Variants in ASTN2 observed in about 807,000 individuals in gnomAD.
ASTN2 encodes the protein astrotactin 2, also known as astrotactin-2.
ASTN2 carries 54 observed loss-of-function variants against 139.8 expected under a neutral mutation model. The observed-to-expected ratio is 0.39, with a 90% CI of 0.31 to 0.48. The LOEUF is 0.48. Ranked by LOEUF, ASTN2 falls within the 20% of genes least tolerant of loss-of-function variation. ASTN2 has a pLI of 0.95. For synonymous variants in ASTN2, 756 were observed against 719.5 expected, an observed-to-expected ratio of 1.05 and a Z score of -0.81; for missense variants, 1,565 against 1,725.1, an observed-to-expected ratio of 0.91 and a Z score of 1.64.
intron 4 of ASTN2, among the ~76,000 whole-genome samples, chr9:117,110,591 C>A (rs191562125): frequency 6.6e-6 from 1 of 152,150 alleles, no homozygotes; most frequent in Admixed American, 6.5e-5. Context: ...CAGAGGAGTA[C>A]GCTAGTAACA....
chr9:116,571,002 A>G (rs1326537383), intron 19 of ASTN2, among the ~76,000 whole-genome samples: 1 of 152,192 alleles, frequency 6.6e-6, no homozygotes, highest in Non-Finnish European at 1.5e-5. Flanking sequence ...TTTCTTTGCA[A>G]CATTTGCTGC....
At chr9:116,707,446 T>C (rs1431507277) in intron 16 of ASTN2, among the ~76,000 whole-genome samples, 2 of 152,102 alleles carry the variant, frequency 1.3e-5, no homozygotes, top group African/African-American at 2.4e-5. Flanking sequence ...ATCCTGATTA[T>C]ATGTATTTGC....
chr9:116,571,180 C>T (rs1208916857), intron 19 of ASTN2, among the ~76,000 whole-genome samples: 2 of 152,198 alleles, frequency 1.3e-5, no homozygotes, highest in African/African-American at 4.8e-5. Flanking sequence ...TGGCCCCACG[C>T]TGGTGGTTTC....
chr9:116,864,200 G>T (rs1648820719), intron 10 of ASTN2, among the ~76,000 whole-genome samples: 1 of 152,128 alleles, frequency 6.6e-6, no homozygotes, highest in Non-Finnish European at 1.5e-5. Flanking sequence ...CTGCAATTGG[G>T]CACATCCCTA....
At chr9:116,925,863 C>CACACAA (rs1554761464) in intron 10 of ASTN2, among the ~76,000 whole-genome samples, 30,833 of 95,700 alleles carry the variant, frequency 0.32, 3,452 homozygotes, top group Non-Finnish European at 0.4. Context: ...CACAACACAA[C>CACACAA]ACACACACAC....
intron 17 of ASTN2, among the ~76,000 whole-genome samples, chr9:116,636,652 G>A (rs886096143): frequency 2.8e-4 from 43 of 151,890 alleles, no homozygotes; most frequent in African/African-American, 1.0e-3. Flanking sequence ...CTCCAGCCTG[G>A]GCGACAGAGT....
chr9:116,536,452 C>G (rs1054679627), intron 19 of ASTN2, among the ~76,000 whole-genome samples: 2 of 152,160 alleles, frequency 1.3e-5, no homozygotes, highest in African/African-American at 4.8e-5. Context: ...GAATTTTCAG[C>G]TTTTCTGCTC....
intron 10 of ASTN2, among the ~76,000 whole-genome samples, chr9:116,893,986 A>T (rs1306344555): frequency 6.6e-6 from 1 of 152,094 alleles, no homozygotes; most frequent in Non-Finnish European, 1.5e-5. Context: ...TCGCCACACA[A>T]TGGCCTGGGT....
At chr9:117,245,235 C>T (rs985260051) in intron 2 of ASTN2, among the ~76,000 whole-genome samples, 3 of 152,190 alleles carry the variant, frequency 2.0e-5, no homozygotes, top group Admixed American at 2.0e-4. Flanking sequence ...CCCAGTGCTA[C>T]GATTGTAACC....
chr9:116,726,520 A>T (rs1028785398), intron 15 of ASTN2, among the ~76,000 whole-genome samples: 6 of 152,208 alleles, frequency 3.9e-5, no homozygotes. Context: ...TGAACTGCCC[A>T]TGGCTGGAAT....
chr9:116,514,523 C>A (rs938149729), intron 19 of ASTN2, among the ~76,000 whole-genome samples: 4 of 152,214 alleles, frequency 2.6e-5, no homozygotes, highest in South Asian at 2.1e-4. Flanking sequence ...CCACTACTCT[C>A]TTCAAAGCTG....
At chr9:116,562,394 C>T (rs550274651) in intron 19 of ASTN2, 6 of 151,404 alleles carry the variant, frequency 4.0e-5, no homozygotes, top group Non-Finnish European at 2.9e-5. Context: ...CCTGTGTGAA[C>T]TTTGGAGATC....
At position 116,805,749 on chromosome 9, in the gene ASTN2, G is replaced by A. The variant is rs780786171; in HGVS notation, c.2279C>T (p.Pro760Leu). 6.2e-7 allele frequency: 1 copy of A among 1,613,888 alleles called. No individual in the cohort carries two copies. Among genetic ancestry groups the A allele is most frequent in the Non-Finnish European group, 8.5e-7 (1 of 1,179,848 alleles). Residue 760 changes from proline (P) to leucine (L), a missense_variant, in exon 13 of 23, where the codon CCC (proline) becomes CTC (leucine). Transcript: ENST00000313400. The part of the protein sequence containing the change: ...CLMLSDVCEG[P>L]KCLKPDSKFN... ...TTTGGAGTCAGGTTTGAGGCACTTGGGGCCCTCGCAGACATCTGAGAGCAT... is the reference window on the plus strand; with the variant it reads ...TTTGGAGTCAGGTTTGAGGCACTTGAGGCCCTCGCAGACATCTGAGAGCAT...
At chr9:117,084,534 T>A (rs1828511526) in intron 5 of ASTN2, among the ~76,000 whole-genome samples, 1 of 152,256 alleles carries the variant, frequency 6.6e-6, no homozygotes, top group Admixed American at 6.5e-5. Context: ...AAGAAGCTAC[T>A]CTGTTTAGTT....
chr9:116,970,659 A>T (rs542393780), intron 10 of ASTN2, among the ~76,000 whole-genome samples: 18 of 152,358 alleles, frequency 1.2e-4, no homozygotes, highest in African/African-American at 4.3e-4. Flanking sequence ...TTGAAAGGCC[A>T]AAAGAACAAG....
At chr9:116,943,007 G>T (rs1417783013) in intron 10 of ASTN2, among the ~76,000 whole-genome samples, 1 of 152,186 alleles carries the variant, frequency 6.6e-6, no homozygotes, top group Non-Finnish European at 1.5e-5. Flanking sequence ...TCCACTGAGG[G>T]GGTGATGGCA....
chr9:116,820,519 C>T, intron 12 of ASTN2, 98 bp downstream of exon 12: 1 of 1,415,816 alleles, frequency 7.1e-7, no homozygotes, highest in Non-Finnish European at 9.5e-7. Context: ...TATTGAAGGT[C>T]AAGGTTCAGC....
chr9:117,101,046 G>A (rs1405032151), intron 4 of ASTN2, among the ~76,000 whole-genome samples: 1 of 152,220 alleles, frequency 6.6e-6, no homozygotes, highest in Non-Finnish European at 1.5e-5. Flanking sequence ...AAAAGAGTAT[G>A]CTGCATGTAA....
intron 16 of ASTN2, among the ~76,000 whole-genome samples, chr9:116,678,006 T>C (rs967585147): frequency 6.6e-6 from 1 of 152,194 alleles, no homozygotes; most frequent in Non-Finnish European, 1.5e-5. Context: ...CTTAGAAAAA[T>C]AAGCATTTAA....
Sources: gnomAD v4.1 joint callset for allele counts (sites outside exome capture counted in the v4.1 genomes callset) on GRCh38, gnomAD v4.1.1 for gene constraint, MANE v1.5 for transcripts, NCBI Gene and HGNC (gene_info 2026-07-23, HGNC 2026-07-21) for gene names.